Variants in XRN2 observed in about 807,000 individuals in gnomAD.
XRN2 encodes DHM1-like protein.
Under a neutral mutation model 138.5 loss-of-function variants are expected in XRN2, and 44 were observed. The ratio of observed to expected loss-of-function variants is 0.32; its 90% CI spans 0.25 to 0.41. XRN2 has a LOEUF of 0.41. XRN2 is among the 10% of genes least tolerant of loss of function. The pLI, the probability that XRN2 is intolerant of heterozygous loss-of-function variation, is 1.00. For missense variants in XRN2, 937 were observed against 1,169.3 expected (o/e 0.80, Z 2.90); for synonymous variants, 354 against 369.4 (o/e 0.96, Z 0.48).
intron 16 of XRN2, 63 bp from the exon 17 acceptor site, chr20:21,346,352 T>C (rs2038434987): frequency 3.8e-6 from 6 of 1,591,604 alleles, no homozygotes. Flanking sequence ...GGGTATAAAT[T>C]AGTAGACAGC....
In XRN2 at chr20:21,352,573, C is replaced by T. The variant is rs184536253; in HGVS notation, c.1937-2216C>T. ...CTCGAACTCCTGACCTCAGGTGATC[C>T]GCCCACCTCAGCCTCCCAAAGTGCT... On this transcript the variant is annotated intron_variant, in intron 20 of 29. Transcript: ENST00000377191. Among the ~76,000 whole-genome samples the T allele has an allele frequency of 3.8e-3, 581 of 152,172 alleles. 6 individuals are homozygous for T. The highest frequency in any genetic ancestry group is 0.013 in the African/African-American group (560 of 41,514).
chr20:21,362,586 C>T (rs2038649767), intron 24 of XRN2, among the ~76,000 whole-genome samples: 3 of 152,128 alleles, frequency 2.0e-5, no homozygotes, highest in Non-Finnish European at 4.4e-5. Context: ...CTGGGTTGTT[C>T]TTTCTGAAAT....
chr20:21,343,165 A>T (rs1286688877), intron 15 of XRN2, among the ~76,000 whole-genome samples: 1 of 152,134 alleles, frequency 6.6e-6, no homozygotes, highest in Non-Finnish European at 1.5e-5. Context: ...AATAGCTAAT[A>T]TACTGTGAGT....
Position 21,368,444 on chromosome 20 carries a change from G to A in XRN2, c.2457-19G>A, listed in dbSNP as rs779734689. On this transcript the variant is annotated intron_variant, in intron 26 of 29. Transcript: ENST00000377191. Reference sequence around the variant, plus strand: ...TATCACTATACAATTTTTTTTTCTTGTGTTGGGTCCTTTTATAGCCATGTG... The same window carrying A: ...TATCACTATACAATTTTTTTTTCTTATGTTGGGTCCTTTTATAGCCATGTG... The A allele has an allele frequency of 1.2e-6, 2 of 1,601,144 alleles. No individual in the cohort carries two copies. The highest frequency in any genetic ancestry group is 1.1e-5 in the South Asian group (1 of 88,606).
chr20:21,383,373 T>C (rs993715926), intron 28 of XRN2, among the ~76,000 whole-genome samples: 1 of 152,254 alleles, frequency 6.6e-6, no homozygotes, highest in African/African-American at 2.4e-5. Context: ...GGCAAATGTT[T>C]GTCTGCTTAC....
chr20:21,336,928 A>G lies in XRN2; in HGVS notation c.1234-2116A>G, dbSNP rs114180738. ...AGGAAGCACATTACAGACAGAGGGA[A>G]TCACCAGTGCCAAGGCCCTGGGGCA... On this transcript the variant is annotated intron_variant, in intron 13 of 29. Transcript: ENST00000377191. Among the ~76,000 whole-genome samples the G allele has an allele frequency of 3.4e-3, 516 of 152,332 alleles. 1 individual carries two copies. Among genetic ancestry groups the G allele is most frequent in the African/African-American group, 0.012 (497 of 41,576 alleles).
chr20:21,353,915 G>A (rs1398846162), intron 20 of XRN2, among the ~76,000 whole-genome samples: 1 of 152,014 alleles, frequency 6.6e-6, no homozygotes, highest in Non-Finnish European at 1.5e-5. Context: ...ATTTTAAAGG[G>A]AATAATCACA....
Position 21,326,414 on chromosome 20 carries a change from A to G in XRN2, c.203+8A>G. On this transcript the variant is annotated splice_region_variant and intron_variant, in intron 2 of 29. Transcript: ENST00000377191. ...TACTCATCCTGAAGACAAGTACGTA[A>G]CCCATTTTTGTCACTGATATAGCAA... is the stretch of plus-strand genomic sequence containing the variant. 6.2e-7 allele frequency: 1 copy of G among 1,613,670 alleles called. No individual in the cohort carries two copies. Among genetic ancestry groups the G allele is most frequent in the South Asian group, 1.1e-5 (1 of 91,074 alleles).
At position 21,310,528 on chromosome 20, in the gene XRN2, A is replaced by G. The variant is rs191205755; in HGVS notation, c.75+7055A>G. Among the ~76,000 whole-genome samples, 1,236 of 152,240 alleles carry G rather than the reference A, an allele frequency of 8.1e-3. 4 individuals are homozygous for G. The highest frequency in any genetic ancestry group is 0.013 in the Non-Finnish European group (869 of 68,016). On this transcript the variant is annotated intron_variant, in intron 1 of 29. Coordinates refer to ENST00000377191, the MANE Select transcript of XRN2 (RefSeq NM_012255.5). ...CATTGTTCTAGTTTTTTGGTGGATA[A>G]TACACTTATTATGAAATGACCTTCA...
intron 1 of XRN2, among the ~76,000 whole-genome samples, chr20:21,310,334 GT>G (rs1307900066): frequency 2.0e-5 from 3 of 152,134 alleles, no homozygotes; most frequent in African/African-American, 7.2e-5. Context: ...TATCAGACTG[GT>G]TCAGAATATG....
chr20:21,357,587 T>A, intron 23 of XRN2, 149 bp from the exon 24 acceptor site: 1 of 534,988 alleles, frequency 1.9e-6, no homozygotes, highest in Admixed American at 4.1e-5. Flanking sequence ...CTCTTTTTTT[T>A]TAAGATATAA....
chr20:21,311,976 CAG>C (rs892056638), intron 1 of XRN2, among the ~76,000 whole-genome samples: 13 of 152,118 alleles, frequency 8.5e-5, no homozygotes, highest in African/African-American at 3.1e-4. Flanking sequence ...GCCTGGGCGA[CAG>C]AGCGAGCCTC....
chr20:21,329,119 C>T (rs766361127), intron 4 of XRN2, among the ~76,000 whole-genome samples: 1 of 152,144 alleles, frequency 6.6e-6, no homozygotes, highest in Non-Finnish European at 1.5e-5. Flanking sequence ...GGAGGTGATT[C>T]GATCCACATT....
At chr20:21,312,170 TG>T (rs1262781727) in intron 1 of XRN2, among the ~76,000 whole-genome samples, 5 of 152,044 alleles carry the variant, frequency 3.3e-5, no homozygotes, top group African/African-American at 1.2e-4. Context: ...TGGAGTGCAG[TG>T]GCGCGATCTC....
intron 20 of XRN2, among the ~76,000 whole-genome samples, chr20:21,352,320 C>T (rs2038519687): frequency 1.3e-5 from 2 of 151,756 alleles, no homozygotes; most frequent in Non-Finnish European, 2.9e-5. Context: ...TGCTTATCAA[C>T]ATTATATGTA....
chr20:21,362,565 G>A (rs1178870162), intron 24 of XRN2, among the ~76,000 whole-genome samples: 1 of 152,066 alleles, frequency 6.6e-6, no homozygotes, highest in South Asian at 2.1e-4. Flanking sequence ...CTGCTCTCTC[G>A]CACACTGCTG....
chr20:21,357,185 TA>T (rs1456812173), intron 23 of XRN2, among the ~76,000 whole-genome samples: 2 of 152,170 alleles, frequency 1.3e-5, no homozygotes, highest in Admixed American at 1.3e-4. Context: ...TTTTAATGGG[TA>T]AATGTTCATA....
chr20:21,304,522 T>C (rs2037788277), intron 1 of XRN2, among the ~76,000 whole-genome samples: 2 of 152,174 alleles, frequency 1.3e-5, no homozygotes, highest in Admixed American at 1.3e-4. Flanking sequence ...GCACGTGGGT[T>C]AAACAAAAAG....
chr20:21,377,236 A>G (rs1301237545), intron 27 of XRN2, among the ~76,000 whole-genome samples: 1 of 132,878 alleles, frequency 7.5e-6, no homozygotes, highest in Non-Finnish European at 1.6e-5. Context: ...CTTTAAGCAT[A>G]GTCCAACATA....
Sources: allele counts gnomAD v4.1 joint callset (sites outside exome capture counted in the v4.1 genomes callset), GRCh38; gene constraint gnomAD v4.1.1; transcripts MANE v1.5; gene names NCBI Gene and HGNC (gene_info 2026-07-23, HGNC 2026-07-21).